Variants in EYS observed in about 807,000 individuals in gnomAD.
EYS encodes protein eyes shut homolog.
In EYS, 250 loss-of-function variants were observed where a neutral mutation model predicts 282.1. That is an observed-to-expected ratio of 0.89 (90% CI 0.80 to 0.98). EYS has a LOEUF of 0.98. EYS is among the 50% of genes least tolerant of loss of function. The probability of loss-of-function intolerance (pLI) is 0.00; values close to 1 mark genes in which losing one functional copy is unlikely to be tolerated. For missense variants in EYS, 4,016 were observed against 3,709.0 expected (o/e 1.08, Z -2.15); for synonymous variants, 1,355 against 1,282.9 (o/e 1.06, Z -1.20).
intron 11 of EYS, among the ~76,000 whole-genome samples, chr6:65,310,628 T>G (rs2150298230): frequency 6.6e-6 from 1 of 152,294 alleles, no homozygotes; most frequent in Non-Finnish European, 1.5e-5. Flanking sequence ...CCTTAGCTCT[T>G]TCCACACCCT....
At chr6:65,135,487 T>C (rs553637208) in intron 12 of EYS, among the ~76,000 whole-genome samples, 9 of 152,150 alleles carry the variant, frequency 5.9e-5, no homozygotes, top group Admixed American at 5.2e-4. Flanking sequence ...ATATAGGACT[T>C]GACTATATTT....
intron 8 of EYS, among the ~76,000 whole-genome samples, chr6:65,366,314 T>C (rs1764910646): frequency 1.3e-5 from 2 of 151,722 alleles, no homozygotes; most frequent in Admixed American, 1.3e-4. Context: ...AAATGCAGAA[T>C]TTTAACTAAT....
intron 29 of EYS, among the ~76,000 whole-genome samples, chr6:64,331,026 A>C (rs765883601): frequency 6.6e-6 from 1 of 152,186 alleles, no homozygotes; most frequent in Non-Finnish European, 1.5e-5. Flanking sequence ...AAGCAGCTTC[A>C]TATCTGAAGG....
chr6:64,367,845 C>A (rs189187634), intron 29 of EYS, among the ~76,000 whole-genome samples: 2 of 152,188 alleles, frequency 1.3e-5, no homozygotes, highest in Non-Finnish European at 2.9e-5. Flanking sequence ...TGCCACTCAT[C>A]TTGAATCTGG....
intron 15 of EYS, among the ~76,000 whole-genome samples, chr6:64,934,899 T>C (rs186390618): frequency 6.6e-6 from 1 of 151,940 alleles, no homozygotes; most frequent in African/African-American, 2.4e-5. Context: ...CATAACTCTT[T>C]TCTCTGTATA....
intron 14 of EYS, among the ~76,000 whole-genome samples, chr6:64,972,033 G>A (rs1415576945): frequency 6.6e-6 from 1 of 152,058 alleles, no homozygotes; most frequent in Non-Finnish European, 1.5e-5. Context: ...ACATGGTCAG[G>A]GGGTAAAGCG....
intron 15 of EYS, among the ~76,000 whole-genome samples, chr6:64,913,920 G>A (rs1768081996): frequency 6.6e-6 from 1 of 152,068 alleles, no homozygotes. Flanking sequence ...AAAAAATAAA[G>A]CATTTGGAAG....
At chr6:64,965,975 TGTGC>T (rs71720578) in intron 14 of EYS, among the ~76,000 whole-genome samples, 10,179 of 151,534 alleles carry the variant, frequency 0.067, 428 homozygotes, top group East Asian at 0.13. Context: ...TGTGTGTGTG[TGTGC>T]GCCTGTGTGT....
intron 29 of EYS, among the ~76,000 whole-genome samples, chr6:64,361,211 G>GTTT (rs140584034): frequency 4.0e-5 from 6 of 150,112 alleles, no homozygotes; most frequent in African/African-American, 1.5e-4. Flanking sequence ...AGAAAATATG[G>GTTT]TTTTTTTTTG....
intron 26 of EYS, among the ~76,000 whole-genome samples, chr6:64,484,830 A>C (rs1281182283): frequency 6.6e-6 from 1 of 151,598 alleles, no homozygotes; most frequent in Non-Finnish European, 1.5e-5. Context: ...AAAGATAACA[A>C]AGGTAAGAAA....
intron 24 of EYS, among the ~76,000 whole-genome samples, chr6:64,594,796 A>T (rs1766528327): frequency 6.6e-6 from 1 of 151,876 alleles, no homozygotes; most frequent in Admixed American, 6.6e-5. Context: ...CATATGTAAC[A>T]AACCTGCACA....
chr6:63,912,638 T>TTGGAGGGGGGCCTGG (rs1383252379), intron 35 of EYS, among the ~76,000 whole-genome samples: 8 of 152,162 alleles, frequency 5.3e-5, no homozygotes, highest in Non-Finnish European at 1.2e-4. Context: ...ATCCCCAATG[T>TTGGAGGGGGGCCTGG]TGGAGGGGGG....
intron 22 of EYS, among the ~76,000 whole-genome samples, chr6:64,723,087 G>GAGAAA (rs1771637386): frequency 6.8e-6 from 1 of 146,726 alleles, no homozygotes; most frequent in Non-Finnish European, 1.5e-5. Context: ...AGGCCCTAAG[G>GAGAAA]AAAAAAAAAA....
rs540947985 is a variant in EYS at position 65,199,239 on chromosome 6, C to T, written c.2023+96624G>A. 5.3e-5 allele frequency among the ~76,000 whole-genome samples: 8 copies of T among 152,046 alleles called. No homozygotes were observed. In the East Asian group the frequency reaches 1.4e-3, roughly 26 times the overall value. On this transcript the variant is annotated intron_variant, in intron 12 of 42. Coordinates refer to ENST00000503581, the MANE Select transcript of EYS (RefSeq NM_001142800.2). The stretch of plus-strand genomic sequence containing the variant: ...CATATAATATAAATATTTGTGTAAC[C>T]ATGGACTTGGATGATGCTTGTTTTA...
rs572709484 is a variant in EYS at position 64,564,195 on chromosome 6, C to A, written c.5644+26028G>T. Reference sequence around the variant, plus strand: ...ATACTGTTGGTCATAATGGCTGTACCAATTTACATTTCTACCAACAGTGTG... The same window carrying A: ...ATACTGTTGGTCATAATGGCTGTACAAATTTACATTTCTACCAACAGTGTG... On this transcript the variant is annotated intron_variant, in intron 26 of 42. Coordinates refer to ENST00000503581, the MANE Select transcript of EYS (RefSeq NM_001142800.2). 8.8e-5 allele frequency among the ~76,000 whole-genome samples: 13 copies of A among 148,394 alleles called. 2 individuals carry two copies. Among genetic ancestry groups the A allele is most frequent in the African/African-American group, 3.0e-4 (12 of 40,636 alleles).
At chr6:65,024,832 A>G (rs1772355337) in intron 13 of EYS, among the ~76,000 whole-genome samples, 1 of 152,182 alleles carries the variant, frequency 6.6e-6, no homozygotes, top group African/African-American at 2.4e-5. Context: ...AATAACCGTG[A>G]AAAAGGTCAG....
chr6:65,566,471 G>A (rs1261618414), intron 2 of EYS, among the ~76,000 whole-genome samples: 2 of 151,978 alleles, frequency 1.3e-5, no homozygotes, highest in African/African-American at 2.4e-5. Context: ...CTGTTGAGTT[G>A]CCCACTTGGT....
At chr6:64,738,040 G>T (rs1341824618) in intron 22 of EYS, among the ~76,000 whole-genome samples, 1 of 134,204 alleles carries the variant, frequency 7.5e-6, no homozygotes, top group Non-Finnish European at 1.6e-5. Context: ...GAGGTTGGTA[G>T]CATGTGTACT....
At chr6:64,053,873 T>A (rs1770895721) in intron 33 of EYS, among the ~76,000 whole-genome samples, 1 of 152,178 alleles carries the variant, frequency 6.6e-6, no homozygotes, top group African/African-American at 2.4e-5. Flanking sequence ...TGTATGAGCA[T>A]TTTATTTGTA....
Sources: allele counts gnomAD v4.1 joint callset (sites outside exome capture counted in the v4.1 genomes callset), GRCh38; gene constraint gnomAD v4.1.1; transcripts MANE v1.5; gene names NCBI Gene and HGNC (gene_info 2026-07-23, HGNC 2026-07-21).